The following CPED1 variants were observed in gnomAD, a reference collection of about 807,000 sequenced individuals.
CPED1 encodes cadherin-like and PC-esterase domain-containing protein 1.
CPED1 carries 114 observed loss-of-function variants against 128.2 expected under a neutral mutation model. The observed-to-expected ratio is 0.89, with a 90% confidence interval of 0.76 to 1.04. CPED1 has a LOEUF of 1.04. CPED1 is among the 50% of genes least tolerant of loss of function. The pLI is 0.00. For missense variants in CPED1, 1,211 were observed against 1,207.1 expected, an observed-to-expected ratio of 1.00 and a Z score of -0.05; for synonymous variants, 462 against 426.7, an observed-to-expected ratio of 1.08 and a Z score of -1.02.
rs1791866950 is a variant in CPED1, at chr7:121,256,141, A to AAAAAAAAAAC, written c.2311-10086_2311-10085insAAAAAAAAAC. Reference sequence around the variant, plus strand: ...AAAAAAAACAAAACAAAAAAAAAAAACAAAGCTTATGCCAAAGACATAACT... The same window carrying AAAAAAAAAAC: ...AAAAAAAACAAAACAAAAAAAAAAAAAAAAAAAAACCAAAGCTTATGCCAAAGACATAACT... On this transcript the variant is annotated intron_variant, in intron 18 of 22. Transcript: ENST00000310396. Among the ~76,000 whole-genome samples, 6 of 143,492 alleles carry AAAAAAAAAAC rather than the reference A, an allele frequency of 4.2e-5. 1 individual carries two copies. The highest frequency in any genetic ancestry group is 1.6e-4 in the African/African-American group (6 of 37,738). The allele number at this position is 143,492 out of a possible 152,430, so 94.1% of individuals were successfully genotyped here. A position where few individuals can be genotyped will look rare whatever the true frequency, so the allele number is the denominator to read the frequency against.
chr7:121,131,736 C>G (rs922645938), intron 12 of CPED1, among the ~76,000 whole-genome samples: 3 of 151,898 alleles, frequency 2.0e-5, no homozygotes, highest in African/African-American at 7.2e-5. Context: ...AAAATCCCAA[C>G]TTTAGAATTT....
At chr7:121,280,009 C>G (rs1431281921) in intron 22 of CPED1, among the ~76,000 whole-genome samples, 1 of 152,104 alleles carries the variant, frequency 6.6e-6, no homozygotes, top group African/African-American at 2.4e-5. Context: ...TGGTGCTGAG[C>G]AAATTAATAC....
chr7:121,248,381 G>A (rs986953839), intron 18 of CPED1, among the ~76,000 whole-genome samples: 1 of 152,002 alleles, frequency 6.6e-6, no homozygotes, highest in African/African-American at 2.4e-5. Context: ...GATTAAAGGG[G>A]GCTCCCCAAA....
At chr7:121,206,634 A>G (rs1165171105) in intron 16 of CPED1, among the ~76,000 whole-genome samples, 3 of 152,008 alleles carry the variant, frequency 2.0e-5, no homozygotes, top group Non-Finnish European at 4.4e-5. Context: ...CCAAGAAATG[A>G]TACAATTCAA....
chr7:121,073,784 C>A, intron 5 of CPED1, among the ~76,000 whole-genome samples: 1 of 146,416 alleles, frequency 6.8e-6, no homozygotes, highest in South Asian at 2.2e-4. Context: ...AGATCCATAT[C>A]TTGAAACCCT....
chr7:121,128,515 C>G (rs761161777), intron 11 of CPED1, 29 bp downstream of exon 11: 5 of 1,164,416 alleles, frequency 4.3e-6, no homozygotes, highest in Non-Finnish European at 6.5e-6. Context: ...TTGATTCTTT[C>G]TTGGTGACTG....
chr7:121,243,787 A>G (rs1562847300), intron 17 of CPED1, among the ~76,000 whole-genome samples: 1 of 152,240 alleles, frequency 6.6e-6, no homozygotes, highest in Non-Finnish European at 1.5e-5. Flanking sequence ...GAATAGATCT[A>G]TTATACTTAT....
chr7:121,098,088 A>T (rs543793745), intron 6 of CPED1, among the ~76,000 whole-genome samples: 1 of 152,330 alleles, frequency 6.6e-6, no homozygotes, highest in East Asian at 1.9e-4. Context: ...AGGAAATTGA[A>T]TTTAAAACCT....
At chr7:121,251,443 A>G (rs1584632307) in intron 18 of CPED1, among the ~76,000 whole-genome samples, 1 of 152,206 alleles carries the variant, frequency 6.6e-6, no homozygotes, top group South Asian at 2.1e-4. Context: ...CCTATTCAAC[A>G]TAGTGTTGGA....
chr7:121,248,453 G>A lies in CPED1; in HGVS notation c.2310+4115G>A, dbSNP rs73717485. Among the ~76,000 whole-genome samples, 573 of 152,242 alleles carry A rather than the reference G, an allele frequency of 3.8e-3. 3 individuals carry two copies. The highest frequency in any genetic ancestry group is 0.013 in the African/African-American group (544 of 41,544). On this transcript the variant is annotated intron_variant, in intron 18 of 22. Coordinates refer to ENST00000310396, the MANE Select transcript of CPED1 (RefSeq NM_024913.5). ...TCTCCCCACCATACTACAGAGCATG[G>A]CTGCAAACTTGAATAAATACAGAGG... is the stretch of plus-strand genomic sequence containing the variant.
intron 7 of CPED1, among the ~76,000 whole-genome samples, chr7:121,115,537 C>T (rs1416832154): frequency 5.9e-5 from 9 of 152,016 alleles, no homozygotes; most frequent in African/African-American, 2.2e-4. Context: ...ATAAAATATC[C>T]AGAATATAAA....
At chr7:121,248,347 A>C (rs1798586723) in intron 18 of CPED1, among the ~76,000 whole-genome samples, 1 of 152,110 alleles carries the variant, frequency 6.6e-6, no homozygotes, top group Non-Finnish European at 1.5e-5. Flanking sequence ...CACCTAACAA[A>C]AGAAATGCAG....
Position 121,130,215 on chromosome 7 carries a change from A to G in CPED1, c.1498A>G (p.Thr500Ala). The change falls in exon 12 of 23, where the codon ACC (threonine) becomes GCC (alanine). Residue 500 changes from threonine (T) to alanine (A), a missense_variant. Physicochemically the swap from Thr to Ala is moderately conservative, Grantham distance 58. Transcript: ENST00000310396. ...TGTGGGAAATCCTGGCTCAGTCCTG[A>G]CCCAATACTGGTCTCTTTTAAATGT... is the stretch of plus-strand genomic sequence containing the variant. The part of the protein sequence containing the change: ...NPVGNPGSVL[T>A]QYWSLLNVFE... 1 of 1,612,520 alleles carries G rather than the reference A, an allele frequency of 6.2e-7. No homozygotes were observed. The highest frequency in any genetic ancestry group is 8.5e-7 in the Non-Finnish European group (1 of 1,179,064).
intron 14 of CPED1, among the ~76,000 whole-genome samples, chr7:121,140,138 G>A (rs527898462): frequency 1.3e-5 from 2 of 152,020 alleles, no homozygotes; most frequent in East Asian, 1.9e-4. Context: ...AAATAATTGG[G>A]CTAACAAAGA....
intron 3 of CPED1, among the ~76,000 whole-genome samples, chr7:121,033,277 C>G (rs529443684): frequency 1.3e-5 from 2 of 152,094 alleles, no homozygotes; most frequent in African/African-American, 4.8e-5. Flanking sequence ...TTAGAAGAGA[C>G]GATTATCATT....
At chr7:121,039,259 T>A (rs1792982430) in intron 3 of CPED1, among the ~76,000 whole-genome samples, 1 of 152,122 alleles carries the variant, frequency 6.6e-6, no homozygotes, top group South Asian at 2.1e-4. Flanking sequence ...TTACTCTATT[T>A]ATTTAATTGC....
At chr7:121,005,605 A>G (rs1791991894) in intron 2 of CPED1, among the ~76,000 whole-genome samples, 2 of 152,166 alleles carry the variant, frequency 1.3e-5, no homozygotes, top group Admixed American at 1.3e-4. Flanking sequence ...CTATGTAACA[A>G]ACCTGCACGT....
chr7:121,093,656 A>G (rs529680559), intron 5 of CPED1, among the ~76,000 whole-genome samples: 1 of 152,200 alleles, frequency 6.6e-6, no homozygotes, highest in Non-Finnish European at 1.5e-5. Context: ...ATTTGGGAAT[A>G]TTTGTTGCCA....
intron 2 of CPED1, among the ~76,000 whole-genome samples, chr7:120,991,673 T>C (rs1796311113): frequency 6.6e-6 from 1 of 152,196 alleles, no homozygotes; most frequent in African/African-American, 2.4e-5. Context: ...AAAATTCGAT[T>C]TCAACTTTGA....
Sources: gnomAD v4.1 joint callset for allele counts (sites outside exome capture counted in the v4.1 genomes callset) on GRCh38, gnomAD v4.1.1 for gene constraint, MANE v1.5 for transcripts, NCBI Gene and HGNC (gene_info 2026-07-23, HGNC 2026-07-21) for gene names.